The following CNBD1 variants were observed in gnomAD, a reference collection of about 807,000 sequenced individuals.
CNBD1 encodes cyclic nucleotide-binding domain-containing protein 1.
Under a neutral mutation model 54.4 loss-of-function variants are expected in CNBD1, and 71 were observed. The ratio of observed to expected loss-of-function variants is 1.30; its 90% CI spans 1.08 to 1.59. The LOEUF (loss-of-function observed/expected upper bound fraction) is 1.59. Among genes scored for constraint, CNBD1 ranks in the 40% most tolerant of loss-of-function variants. The pLI, the probability that CNBD1 is intolerant of heterozygous loss-of-function variation, is 0.00. For synonymous variants in CNBD1, 182 were observed against 170.7 expected (o/e 1.07, Z -0.51); for missense variants, 659 against 518.0 (o/e 1.27, Z -2.64).
chr8:87,421,449 C>G (rs1164982603), intron 2 of CNBD1, among the ~76,000 whole-genome samples: 1 of 136,216 alleles, frequency 7.3e-6, no homozygotes, highest in Non-Finnish European at 1.6e-5. Context: ...CAACAGTCCC[C>G]AGAGTGTGAT....
intron 7 of CNBD1, among the ~76,000 whole-genome samples, chr8:87,286,218 C>T (rs576631682): frequency 1.3e-4 from 20 of 152,130 alleles, no homozygotes; most frequent in Non-Finnish European, 2.5e-4. Flanking sequence ...ATATCAGTAC[C>T]AGTTACTTGA....
At chr8:87,267,773 G>T (rs1340689156) in intron 6 of CNBD1, among the ~76,000 whole-genome samples, 2 of 152,066 alleles carry the variant, frequency 1.3e-5, no homozygotes, top group South Asian at 4.2e-4. Flanking sequence ...CAGATAGTGG[G>T]CCCAAAGTAA....
At chr8:87,381,611 G>C (rs944988316) in intron 10 of CNBD1, among the ~76,000 whole-genome samples, 1 of 151,996 alleles carries the variant, frequency 6.6e-6, no homozygotes, top group Non-Finnish European at 1.5e-5. Flanking sequence ...TAGCTAATAT[G>C]TGGGAAATCT....
In CNBD1 at chr8:87,163,224, C is replaced by T. The variant is rs564008946; in HGVS notation, c.432-42769C>T. ...AATAACATCTCATTTCTGAGATAAG[C>T]TTTGTAACATAATTTGAAATCAGGA... On this transcript the variant is annotated intron_variant, in intron 4 of 10. Coordinates refer to ENST00000518476, the MANE Select transcript of CNBD1 (RefSeq NM_173538.3). The surrounding 1 kb of genome is among the most constrained non-coding windows in gnomAD (Gnocchi z 4.5). 1.8e-4 allele frequency among the ~76,000 whole-genome samples: 27 copies of T among 152,104 alleles called. No individual in the cohort carries two copies. Among genetic ancestry groups the T allele is most frequent in the Non-Finnish European group, 3.2e-4 (22 of 67,960 alleles).
chr8:87,350,089 C>A (rs556348652), intron 8 of CNBD1, among the ~76,000 whole-genome samples: 2 of 152,020 alleles, frequency 1.3e-5, no homozygotes, highest in African/African-American at 4.8e-5. Context: ...TCTTTATATC[C>A]TTGCTGATTG....
chr8:87,168,677 C>T (rs1387222885), intron 4 of CNBD1, among the ~76,000 whole-genome samples: 1 of 152,038 alleles, frequency 6.6e-6, no homozygotes, highest in Admixed American at 6.6e-5. Flanking sequence ...TAAGTGATAA[C>T]ATGCAGTTTG....
At position 87,049,079 on chromosome 8, in the gene CNBD1, T is replaced by G. The variant is rs73693004; in HGVS notation, c.431+109325T>G. Among the ~76,000 whole-genome samples, 955 of 152,362 alleles carry G rather than the reference T, an allele frequency of 6.3e-3. 12 individuals carry two copies. The highest frequency in any genetic ancestry group is 0.022 in the African/African-American group (906 of 41,594). On this transcript the variant is annotated intron_variant, in intron 4 of 10. Transcript: ENST00000518476. ...TTATTCTATTTCTGCAGAAGAATAC[T>G]GAGGTCTTACTTCTCTTATGGAGCC...
At chr8:86,902,436 T>A (rs1189650187) in intron 2 of CNBD1, among the ~76,000 whole-genome samples, 1 of 152,018 alleles carries the variant, frequency 6.6e-6, no homozygotes, top group Admixed American at 6.6e-5. Context: ...ATGAGAAAAA[T>A]GGTCTTAAGG....
At chr8:87,179,972 T>A (rs1586311051) in intron 4 of CNBD1, among the ~76,000 whole-genome samples, 1 of 152,312 alleles carries the variant, frequency 6.6e-6, no homozygotes, top group Non-Finnish European at 1.5e-5. Flanking sequence ...CCAGATATGA[T>A]CTGTAGGTTA....
chr8:87,047,397 T>G (rs1807927290), intron 4 of CNBD1, among the ~76,000 whole-genome samples: 1 of 152,156 alleles, frequency 6.6e-6, no homozygotes, highest in Admixed American at 6.5e-5. Context: ...GTTTCAGTGT[T>G]ATTAAACTGA....
intron 8 of CNBD1, among the ~76,000 whole-genome samples, chr8:87,325,824 G>A (rs1809655926): frequency 6.7e-6 from 1 of 148,682 alleles, no homozygotes; most frequent in Admixed American, 6.7e-5. Flanking sequence ...ATATTGTTAT[G>A]TGTGAATCTG....
intron 1 of CNBD1, among the ~76,000 whole-genome samples, chr8:86,870,727 A>C (rs1363803995): frequency 6.6e-6 from 1 of 152,162 alleles, no homozygotes; most frequent in East Asian, 1.9e-4. Flanking sequence ...CTAGGAATGC[A>C]GGTAAGAAAA....
At chr8:87,308,038 A>T (rs1809193652) in intron 8 of CNBD1, among the ~76,000 whole-genome samples, 1 of 152,058 alleles carries the variant, frequency 6.6e-6, no homozygotes, top group East Asian at 1.9e-4. Context: ...TCCCCATGTT[A>T]TGGCAAAAGT....
chr8:87,157,751 T>A (rs57179917), intron 4 of CNBD1, among the ~76,000 whole-genome samples: 3,203 of 152,284 alleles, frequency 0.021, 111 homozygotes, highest in African/African-American at 0.07. Flanking sequence ...GAGTCTGAAT[T>A]ATTTATCTGT....
intron 2 of CNBD1, among the ~76,000 whole-genome samples, chr8:86,904,591 C>T (rs1358324961): frequency 6.6e-6 from 1 of 151,998 alleles, no homozygotes; most frequent in Non-Finnish European, 1.5e-5. Flanking sequence ...CAAAAAGCAT[C>T]GTAGGTAATT....
chr8:87,175,611 G>A (rs1813181232), intron 4 of CNBD1, among the ~76,000 whole-genome samples: 1 of 152,188 alleles, frequency 6.6e-6, no homozygotes, highest in Admixed American at 6.5e-5. Flanking sequence ...CAAGACAATA[G>A]TCTTCTTTAT....
Position 87,232,551 on chromosome 8 carries a change from G to A in CNBD1, c.578-4368G>A, listed in dbSNP as rs181100864. Among the ~76,000 whole-genome samples, 41 of 151,962 alleles carry A rather than the reference G, an allele frequency of 2.7e-4. No homozygotes were observed. In the East Asian group the frequency reaches 7.8e-3, roughly 29 times the overall value. On this transcript the variant is annotated intron_variant, in intron 5 of 10. Transcript: ENST00000518476. ...GTATGGGTGATTCTTATTTTTTCTT[G>A]TGCCTTTTCAGTAAGTTTAATTTTG...
At chr8:87,110,757 G>C (rs1170802488) in intron 4 of CNBD1, among the ~76,000 whole-genome samples, 1 of 152,226 alleles carries the variant, frequency 6.6e-6, no homozygotes, top group Non-Finnish European at 1.5e-5. Flanking sequence ...TGTGATAGAA[G>C]GTTAAACTAA....
chr8:87,210,650 G>A (rs754379434), intron 5 of CNBD1, among the ~76,000 whole-genome samples: 1 of 152,190 alleles, frequency 6.6e-6, no homozygotes, highest in South Asian at 2.1e-4. Context: ...CAAGCCATAA[G>A]CTTTGGTGGT....
Sources: gnomAD v4.1 joint callset for allele counts (sites outside exome capture counted in the v4.1 genomes callset) on GRCh38, gnomAD v4.1.1 for gene constraint, Gnocchi (gnomAD v3.1) non-coding constraint, MANE v1.5 for transcripts, NCBI Gene and HGNC (gene_info 2026-07-23, HGNC 2026-07-21) for gene names.